FALEC: variants seen among roughly 807,000 people sequenced by gnomAD.
The protein encoded by FALEC is focally amplified lncRNA on chromosome 1.
chr1:150,522,970 TATATATATATATA>T (rs1175253340), downstream of FALEC, among the ~76,000 whole-genome samples: 24 of 50,164 alleles, frequency 4.8e-4, 2 homozygotes, highest in Admixed American at 8.3e-4. Flanking sequence ...TATATATATA[TATATATATATATA>T]TTTTTTTTTT....
At chr1:150,528,279 GAAGAA>G in the FALEC span, among the ~76,000 whole-genome samples, 1 of 152,196 alleles carries the variant, frequency 6.6e-6, no homozygotes, top group Non-Finnish European at 1.5e-5. Flanking sequence ...AGAGAGAAGT[GAAGAA>G]AATTGCAAAG....
chr1:150,520,007 G>A (rs1366523344), downstream of FALEC, among the ~76,000 whole-genome samples: 1 of 152,052 alleles, frequency 6.6e-6, no homozygotes, highest in Non-Finnish European at 1.5e-5. Flanking sequence ...AAATTAGCCG[G>A]GTGTGGTGGT....
chr1:150,532,401 T>A, the FALEC span, among the ~76,000 whole-genome samples: 1 of 152,168 alleles, frequency 6.6e-6, no homozygotes, highest in Non-Finnish European at 1.5e-5. Context: ...GAGGTAAGGC[T>A]GGAGAAGCCA....
downstream of FALEC, among the ~76,000 whole-genome samples, chr1:150,520,224 A>G (rs1216967813): frequency 2.0e-5 from 3 of 152,222 alleles, no homozygotes. Context: ...ACTCAGTGGC[A>G]TTAATTATAT....
At chr1:150,524,509 A>G in the FALEC span, among the ~76,000 whole-genome samples, 1 of 152,222 alleles carries the variant, frequency 6.6e-6, no homozygotes, top group Non-Finnish European at 1.5e-5. Context: ...GAAAAACAAC[A>G]TGGGTGTATA....
chr1:150,524,849 G>T, the FALEC span, among the ~76,000 whole-genome samples: 1 of 152,090 alleles, frequency 6.6e-6, no homozygotes, highest in African/African-American at 2.4e-5. Context: ...AAATAAATTA[G>T]AGTGGTGTGG....
the FALEC span, among the ~76,000 whole-genome samples, chr1:150,536,781 A>G: frequency 8.5e-5 from 13 of 152,108 alleles, no homozygotes; most frequent in African/African-American, 3.1e-4. Context: ...AAATAAATAA[A>G]CAAGTAACAA....
At chr1:150,524,414 C>G in the FALEC span, among the ~76,000 whole-genome samples, 1 of 152,164 alleles carries the variant, frequency 6.6e-6, no homozygotes, top group African/African-American at 2.4e-5. Flanking sequence ...TAGACTACCT[C>G]TACAAAGATG....
the FALEC span, among the ~76,000 whole-genome samples, chr1:150,524,835 A>G: frequency 6.6e-6 from 1 of 152,054 alleles, no homozygotes; most frequent in Admixed American, 6.6e-5. Context: ...TCTACAAAAA[A>G]TAAAAATAAA....
chr1:150,525,481 A>C, the FALEC span, among the ~76,000 whole-genome samples: 1 of 151,790 alleles, frequency 6.6e-6, no homozygotes, highest in Non-Finnish European at 1.5e-5. Flanking sequence ...AACAAACAAA[A>C]AGCATACAGT....
At chr1:150,527,781 C>G in the FALEC span, among the ~76,000 whole-genome samples, 1 of 151,980 alleles carries the variant, frequency 6.6e-6, no homozygotes, top group Non-Finnish European at 1.5e-5. Context: ...ACCCGAGAGG[C>G]GGAGGTTTCA....
At chr1:150,516,596 A>G (rs1670572724) in intron 1 of FALEC, among the ~76,000 whole-genome samples, 1 of 152,226 alleles carries the variant, frequency 6.6e-6, no homozygotes, top group Non-Finnish European at 1.5e-5. Flanking sequence ...TAAAAGGTGA[A>G]CGTGTTAACA....
At chr1:150,526,138 G>A in the FALEC span, among the ~76,000 whole-genome samples, 3,055 of 151,940 alleles carry the variant, frequency 0.02, 129 homozygotes, top group African/African-American at 0.07. Context: ...TGAGGCGGGC[G>A]GATCACGAGG....
downstream of FALEC, among the ~76,000 whole-genome samples, chr1:150,522,908 TATATAC>T (rs1389223696): frequency 8.9e-6 from 1 of 112,874 alleles, no homozygotes; most frequent in African/African-American, 3.9e-5. Context: ...TATATACATA[TATATAC>T]ATATATATAT....
the FALEC span, among the ~76,000 whole-genome samples, chr1:150,531,448 C>T: frequency 2.0e-5 from 3 of 152,106 alleles, no homozygotes; most frequent in East Asian, 5.8e-4. Flanking sequence ...GCACTCCAGC[C>T]TGGGCAACAA....
the FALEC span, among the ~76,000 whole-genome samples, chr1:150,534,008 G>A: frequency 1.8e-4 from 28 of 152,352 alleles, no homozygotes; most frequent in East Asian, 2.7e-3. Flanking sequence ...CAAGGATGGC[G>A]TGGGGAGAAA....
chr1:150,529,383 G>T, the FALEC span, among the ~76,000 whole-genome samples: 1 of 152,256 alleles, frequency 6.6e-6, no homozygotes, highest in Non-Finnish European at 1.5e-5. Context: ...GGCTTGGTGG[G>T]CAGGCTGCTG....
the FALEC span, among the ~76,000 whole-genome samples, chr1:150,534,126 ACCCAGGTGGCCCCAC>A: frequency 6.6e-6 from 1 of 152,112 alleles, no homozygotes; most frequent in Non-Finnish European, 1.5e-5. Context: ...TCAGATCCTA[ACCCAGGTGGCCCCAC>A]CCCACCCCTA....
the FALEC span, among the ~76,000 whole-genome samples, chr1:150,529,015 G>GAAAAAA: frequency 5.0e-4 from 3 of 5,954 alleles, no homozygotes; most frequent in Non-Finnish European, 9.0e-4. Context: ...TAAATAAATA[G>GAAAAAA]CAAAAAAAAA....
Sources: allele counts gnomAD v4.1 joint callset (sites outside exome capture counted in the v4.1 genomes callset), GRCh38; gene constraint gnomAD v4.1.1; transcripts MANE v1.5; gene names NCBI Gene and HGNC (gene_info 2026-07-23, HGNC 2026-07-21).